The following ZBBX variants were observed in gnomAD, a reference collection of about 807,000 sequenced individuals.
ZBBX encodes the protein zinc finger B-box domain containing.
A neutral mutation model predicts 108.5 loss-of-function variants in ZBBX; 101 were observed. The observed-to-expected ratio is 0.93, with a 90% CI of 0.79 to 1.10. ZBBX has a LOEUF of 1.10. Among genes scored for constraint, ZBBX ranks in the 50% least tolerant of loss-of-function variants. The pLI, the probability that ZBBX is intolerant of heterozygous loss-of-function variation, is 0.00. For synonymous variants in ZBBX, 356 were observed against 323.4 expected (o/e 1.10, Z -1.08); for missense variants, 1,009 against 941.4 (o/e 1.07, Z -0.94).
the ZBBX span, among the ~76,000 whole-genome samples, chr3:167,219,690 T>C: frequency 1.3e-5 from 2 of 151,760 alleles, no homozygotes; most frequent in Admixed American, 6.6e-5. Context: ...AACGTAATGA[T>C]GCAACTTGAA....
chr3:167,358,807 G>A (rs866757031), intron 8 of ZBBX, among the ~76,000 whole-genome samples: 11 of 151,426 alleles, frequency 7.3e-5, no homozygotes, highest in Admixed American at 2.0e-4. Flanking sequence ...GTGGTGACGC[G>A]TGCCTATAAT....
chr3:167,182,600 C>T, the ZBBX span, among the ~76,000 whole-genome samples: 5 of 152,132 alleles, frequency 3.3e-5, no homozygotes, highest in African/African-American at 1.2e-4. Context: ...GTCACCAACC[C>T]CCAAAAGTTG....
chr3:167,339,150 T>C (rs1377445290), intron 9 of ZBBX, among the ~76,000 whole-genome samples: 1 of 152,146 alleles, frequency 6.6e-6, no homozygotes, highest in Non-Finnish European at 1.5e-5. Flanking sequence ...CAACGTGTTA[T>C]TGTTTTGAAG....
At chr3:167,360,495 A>C (rs762311557) in intron 7 of ZBBX, among the ~76,000 whole-genome samples, 180 bp downstream of exon 7, 4 of 151,826 alleles carry the variant, frequency 2.6e-5, no homozygotes, top group Non-Finnish European at 4.4e-5. Flanking sequence ...ACATTTTTTG[A>C]CACAAAAGCC....
the ZBBX span, among the ~76,000 whole-genome samples, chr3:167,231,266 C>A: frequency 6.6e-6 from 1 of 151,674 alleles, no homozygotes; most frequent in African/African-American, 2.4e-5. Flanking sequence ...AGACTCTTCC[C>A]TAAGCATAGC....
At chr3:167,303,389 T>C (rs1383879308) in intron 17 of ZBBX, among the ~76,000 whole-genome samples, 1 of 152,154 alleles carries the variant, frequency 6.6e-6, no homozygotes. Flanking sequence ...ATGGTACATA[T>C]TATCCTCATT....
chr3:167,249,495 C>G (rs1722194093), intron 20 of ZBBX, among the ~76,000 whole-genome samples: 1 of 152,170 alleles, frequency 6.6e-6, no homozygotes, highest in African/African-American at 2.4e-5. Context: ...CCACCTGCCT[C>G]CTCCTAAAAA....
intron 4 of ZBBX, among the ~76,000 whole-genome samples, chr3:167,369,120 C>T: frequency 6.6e-6 from 1 of 152,106 alleles, no homozygotes. Context: ...GGTACGGGAG[C>T]TTCCTGTACA....
chr3:167,397,931 A>T (rs969774945), intron 1 of ZBBX, among the ~76,000 whole-genome samples: 3 of 151,816 alleles, frequency 2.0e-5, no homozygotes, highest in African/African-American at 7.3e-5. Flanking sequence ...AATTAAGGAG[A>T]CAACAATCAA....
At chr3:167,330,945 TTC>T (rs151154237) in intron 10 of ZBBX, among the ~76,000 whole-genome samples, 1 of 87,166 alleles carries the variant, frequency 1.1e-5, no homozygotes, top group Non-Finnish European at 2.2e-5. Flanking sequence ...CTCTCTTTCT[TTC>T]TCTCTCTCTC....
At chr3:167,335,028 A>C (rs1739327743) in intron 9 of ZBBX, among the ~76,000 whole-genome samples, 1 of 152,000 alleles carries the variant, frequency 6.6e-6, no homozygotes, top group Non-Finnish European at 1.5e-5. Context: ...CCATTACTCC[A>C]ACAAGTCTAG....
the ZBBX span, among the ~76,000 whole-genome samples, chr3:167,204,198 C>CTTTTTTTTTTT: frequency 8.5e-6 from 1 of 118,106 alleles, no homozygotes; most frequent in African/African-American, 3.0e-5. Context: ...TTCTTTTTTT[C>CTTTTTTTTTTT]TTTTTTTTTT....
intron 4 of ZBBX, among the ~76,000 whole-genome samples, chr3:167,370,830 T>C (rs545771161): frequency 3.3e-5 from 5 of 152,196 alleles, no homozygotes; most frequent in Admixed American, 6.5e-5. Flanking sequence ...AAAATATGTA[T>C]GTTGCCTATA....
At chr3:167,364,410 T>C (rs1745010013) in intron 6 of ZBBX, among the ~76,000 whole-genome samples, 1 of 152,030 alleles carries the variant, frequency 6.6e-6, no homozygotes. Flanking sequence ...CTTTCGTCCT[T>C]ATAACATTGA....
At chr3:167,396,823 C>T (rs1274004375) in intron 1 of ZBBX, among the ~76,000 whole-genome samples, 3 of 151,860 alleles carry the variant, frequency 2.0e-5, no homozygotes, top group Non-Finnish European at 2.9e-5. Context: ...GGAAAAATTA[C>T]TTCAGGAATA....
chr3:167,386,733 A>G (rs903954768), intron 1 of ZBBX, among the ~76,000 whole-genome samples: 6 of 152,036 alleles, frequency 3.9e-5, no homozygotes, highest in Admixed American at 6.6e-5. Context: ...AGAAAAAGTC[A>G]TTTATTTCTG....
At chr3:167,256,424 T>A (rs1430720306) in intron 20 of ZBBX, among the ~76,000 whole-genome samples, 1 of 152,128 alleles carries the variant, frequency 6.6e-6, no homozygotes, top group African/African-American at 2.4e-5. Context: ...GGAGTATCCA[T>A]CCCTTCAAGC....
the ZBBX span, among the ~76,000 whole-genome samples, chr3:167,227,804 T>C: frequency 5.3e-5 from 8 of 151,712 alleles, no homozygotes; most frequent in Non-Finnish European, 8.8e-5. Context: ...CTGAGCCCTG[T>C]TTTGATGACT....
chr3:167,210,342 C>A, the ZBBX span, among the ~76,000 whole-genome samples: 4 of 151,686 alleles, frequency 2.6e-5, no homozygotes, highest in African/African-American at 7.3e-5. Flanking sequence ...ACAGACTATT[C>A]AAAAAGACAC....
Sources: allele counts gnomAD v4.1 joint callset (sites outside exome capture counted in the v4.1 genomes callset), GRCh38; gene constraint gnomAD v4.1.1; transcripts MANE v1.5; gene names NCBI Gene and HGNC (gene_info 2026-07-23, HGNC 2026-07-21).